The following CDH18 variants were observed in gnomAD, a reference collection of about 807,000 sequenced individuals.
CDH18 encodes cadherin-18.
In CDH18, 31 loss-of-function variants were observed where a neutral mutation model predicts 67.9. The ratio of observed to expected loss-of-function variants is 0.46; its 90% CI spans 0.34 to 0.62. The LOEUF is 0.62. Ranked by LOEUF, CDH18 falls within the 20% of genes least tolerant of loss-of-function variation. The probability of loss-of-function intolerance (pLI) is 0.01; values close to 1 mark genes in which losing one functional copy is unlikely to be tolerated. For missense variants in CDH18, 890 were observed against 975.5 expected (o/e 0.91, Z 1.17); for synonymous variants, 362 against 347.2 (o/e 1.04, Z -0.48).
chr5:20,103,541 T>C (rs1247079593), intron 2 of CDH18, among the ~76,000 whole-genome samples: 2 of 140,060 alleles, frequency 1.4e-5, no homozygotes, highest in Non-Finnish European at 3.0e-5. Flanking sequence ...TTGGCCAACA[T>C]AGTGAAACCC....
intron 5 of CDH18, among the ~76,000 whole-genome samples, chr5:19,697,210 T>C (rs931001710): frequency 1.3e-5 from 2 of 152,200 alleles, no homozygotes; most frequent in African/African-American, 4.8e-5. Flanking sequence ...ATCTCCCACA[T>C]ACATCCCAAT....
chr5:19,934,005 A>G (rs1793981679), intron 2 of CDH18, among the ~76,000 whole-genome samples: 1 of 151,432 alleles, frequency 6.6e-6, no homozygotes, highest in South Asian at 2.1e-4. Flanking sequence ...AGAGCATCTT[A>G]AATTTTAATA....
intron 4 of CDH18, among the ~76,000 whole-genome samples, chr5:19,733,617 C>T (rs1181563888): frequency 6.6e-6 from 1 of 152,112 alleles, no homozygotes; most frequent in African/African-American, 2.4e-5. Flanking sequence ...AACACTGGCC[C>T]TCTGACCTTG....
intron 1 of CDH18, among the ~76,000 whole-genome samples, chr5:20,272,551 T>G (rs1409623365): frequency 8.4e-6 from 1 of 119,274 alleles, no homozygotes. Context: ...CAAGTTCCTG[T>G]TTTTTTTGGA....
At chr5:20,418,164 C>T (rs533037663) in intron 1 of CDH18, among the ~76,000 whole-genome samples, 2 of 150,710 alleles carry the variant, frequency 1.3e-5, no homozygotes, top group East Asian at 2.0e-4. Flanking sequence ...CAACCTCCGC[C>T]GCTGGGGTTC....
rs1191033613 is a variant in CDH18 at position 19,994,631 on chromosome 5, C to G, written c.-517-2617G>C. 3.5e-5 allele frequency among the ~76,000 whole-genome samples: 5 copies of G among 140,994 alleles called. 1 individual carries two copies. The highest frequency in any genetic ancestry group is 7.4e-5 in the Admixed American group (1 of 13,526). 92.5% of individuals were successfully genotyped at this position (140,994 alleles called of 152,430 possible). ...GTGAGGAGTAAAAGATTAATTAGTT[C>G]CTCACTACCCTCTAGCAATAACATT... On this transcript the variant is annotated intron_variant, in intron 2 of 14. Coordinates refer to the CDH18 transcript ENST00000507958.
At chr5:20,089,536 TTAGA>T (rs1164983207) in intron 2 of CDH18, among the ~76,000 whole-genome samples, 5 of 152,176 alleles carry the variant, frequency 3.3e-5, no homozygotes, top group Admixed American at 1.3e-4. Flanking sequence ...GCATTTTGAC[TTAGA>T]TAGATTATGA....
At chr5:19,520,635 A>G (rs1288765804) in intron 10 of CDH18, 22 bp downstream of exon 10, 2 of 1,596,932 alleles carry the variant, frequency 1.3e-6, no homozygotes, top group Non-Finnish European at 1.7e-6. Flanking sequence ...TCAAATGAGG[A>G]GGAAGGAAAC....
intron 8 of CDH18, 30 bp from the exon 9 acceptor site, chr5:19,544,035 A>T: frequency 7.6e-7 from 1 of 1,312,530 alleles, no homozygotes; most frequent in Non-Finnish European, 1.1e-6. Flanking sequence ...TTTTTACTTG[A>T]TGTTATAATG....
intron 1 of CDH18, among the ~76,000 whole-genome samples, chr5:20,356,743 C>A (rs909517207): frequency 3.5e-5 from 5 of 142,726 alleles, no homozygotes; most frequent in African/African-American, 1.1e-4. Context: ...CTCTCTCTCT[C>A]TCTCTCTCTC....
chr5:19,962,987 T>C (rs1797071087), intron 2 of CDH18, among the ~76,000 whole-genome samples: 1 of 152,138 alleles, frequency 6.6e-6, no homozygotes, highest in Non-Finnish European at 1.5e-5. Flanking sequence ...TGTATTTTCT[T>C]TGTATTTGAT....
At position 19,673,658 on chromosome 5, in the gene CDH18, T is replaced by C. The variant is rs149880523; in HGVS notation, c.643+47689A>G. Reference sequence around the variant, plus strand: ...AAGTAACTTCAACCAGCTTTCTGTATTTTATATTTTCATTCTTTGAATTTC... The same window carrying C: ...AAGTAACTTCAACCAGCTTTCTGTACTTTATATTTTCATTCTTTGAATTTC... On this transcript the variant is annotated intron_variant, in intron 5 of 12. Transcript: ENST00000382275. Among the ~76,000 whole-genome samples, 1,139 of 152,206 alleles carry C rather than the reference T, an allele frequency of 7.5e-3. 15 individuals are homozygous for C. The highest frequency in any genetic ancestry group is 0.026 in the African/African-American group (1,079 of 41,572).
chr5:20,502,153 T>G (rs78605711), intron 1 of CDH18, among the ~76,000 whole-genome samples: 119 of 152,264 alleles, frequency 7.8e-4, no homozygotes, highest in Middle Eastern at 3.4e-3. Flanking sequence ...GAAGACAGTA[T>G]TTTTAAAGAA....
At chr5:20,195,931 A>C (rs1278982771) in intron 2 of CDH18, among the ~76,000 whole-genome samples, 2 of 152,240 alleles carry the variant, frequency 1.3e-5, no homozygotes, top group East Asian at 3.9e-4. Flanking sequence ...CCAATCACTT[A>C]ACAAAATCAA....
At chr5:20,308,108 G>A (rs1488837545) in intron 1 of CDH18, among the ~76,000 whole-genome samples, 1 of 81,602 alleles carries the variant, frequency 1.2e-5, no homozygotes, top group Non-Finnish European at 2.3e-5. Flanking sequence ...TTTTTTTACT[G>A]GTTTTCAACC....
At chr5:20,140,534 AACTCTCCAGTC>A (rs1473139109) in intron 2 of CDH18, among the ~76,000 whole-genome samples, 1 of 152,080 alleles carries the variant, frequency 6.6e-6, no homozygotes, top group African/African-American at 2.4e-5. Context: ...GGCATCCTCT[AACTCTCCAGTC>A]CTGAGGTGTT....
chr5:20,052,948 G>A (rs1186903827), intron 2 of CDH18, among the ~76,000 whole-genome samples: 1 of 151,860 alleles, frequency 6.6e-6, no homozygotes, highest in Non-Finnish European at 1.5e-5. Flanking sequence ...AATGGAGCCT[G>A]GGCCTGAAGA....
intron 2 of CDH18, among the ~76,000 whole-genome samples, chr5:20,146,940 T>G (rs534042933): frequency 1.3e-5 from 2 of 152,220 alleles, no homozygotes; most frequent in East Asian, 3.9e-4. Context: ...TTGACCTCTT[T>G]GAGGAAAAAT....
chr5:19,576,328 T>C (rs1005438990), intron 7 of CDH18, among the ~76,000 whole-genome samples: 1 of 151,588 alleles, frequency 6.6e-6, no homozygotes, highest in Non-Finnish European at 1.5e-5. Context: ...TTGAAGAAAA[T>C]ATTTGAAAAT....
Sources: gnomAD v4.1 joint callset for allele counts (sites outside exome capture counted in the v4.1 genomes callset) on GRCh38, gnomAD v4.1.1 for gene constraint, MANE v1.5 for transcripts, NCBI Gene and HGNC (gene_info 2026-07-23, HGNC 2026-07-21) for gene names.